The following COLEC12 variants were observed in gnomAD, a reference collection of about 807,000 sequenced individuals.
COLEC12 encodes the protein collectin subfamily member 12.
A neutral mutation model predicts 71.1 loss-of-function variants in COLEC12; 33 were observed. That is an observed-to-expected ratio of 0.46 (90% CI 0.35 to 0.62). COLEC12 has a LOEUF of 0.62. Ranked by LOEUF, COLEC12 falls within the 20% of genes least tolerant of loss-of-function variation. The pLI is 0.00. For synonymous variants in COLEC12, 350 were observed against 353.0 expected (o/e 0.99, Z 0.10); for missense variants, 765 against 916.1 (o/e 0.84, Z 2.13).
At chr18:336,418 T>C (rs894524186) in intron 5 of COLEC12, among the ~76,000 whole-genome samples, 1 of 152,172 alleles carries the variant, frequency 6.6e-6, no homozygotes, top group African/African-American at 2.4e-5. Flanking sequence ...GAAAAGCGAA[T>C]ACTGCTCATC....
intron 5 of COLEC12, among the ~76,000 whole-genome samples, chr18:336,327 C>T (rs1457661017): frequency 6.6e-6 from 1 of 152,086 alleles, no homozygotes; most frequent in Non-Finnish European, 1.5e-5. Flanking sequence ...TCCAAACTCT[C>T]TGGGTGGGTT....
At position 401,658 on chromosome 18, in the gene COLEC12, C is replaced by G. The variant is rs147795631; in HGVS notation, c.59-44136G>C. On this transcript the variant is annotated intron_variant, in intron 2 of 9. Transcript: ENST00000400256. ...TTCACAATGCATCCTCCTGGTATCC[C>G]AACGTTTTTGCTTACAAAGTTGGGT... is the stretch of plus-strand genomic sequence containing the variant. 4.5e-4 allele frequency among the ~76,000 whole-genome samples: 69 copies of G among 152,316 alleles called. No individual in the cohort carries two copies. In the East Asian group the frequency reaches 0.011, roughly 24 times the overall value.
At chr18:413,454 T>C (rs373863235) in intron 2 of COLEC12, among the ~76,000 whole-genome samples, 3 of 152,318 alleles carry the variant, frequency 2.0e-5, no homozygotes, top group Admixed American at 1.3e-4. Context: ...TCTAAAACAA[T>C]GGAACATACA....
chr18:318,005 C>G lies in COLEC12; in HGVS notation c.*2040G>C, dbSNP rs1467176768. 2.7e-5 allele frequency: 4 copies of G among 149,600 alleles called. No individual in the cohort carries two copies. The highest frequency in any genetic ancestry group is 9.8e-5 in the African/African-American group (4 of 40,890). 9.3% of individuals were successfully genotyped at this position (149,600 alleles called of 1,614,324 possible). ...TTTTTTTTTTCTTTTTGAGATGAGTCTCGCTCTGTCGCCCAGGCTGGAGTG... is the reference window on the plus strand; with the variant it reads ...TTTTTTTTTTCTTTTTGAGATGAGTGTCGCTCTGTCGCCCAGGCTGGAGTG... On this transcript the variant is annotated 3_prime_UTR_variant, in exon 10 of 10. Coordinates refer to ENST00000400256, the MANE Select transcript of COLEC12 (RefSeq NM_130386.3).
At chr18:473,393 C>T (rs188136863) in intron 2 of COLEC12, among the ~76,000 whole-genome samples, 13 of 151,644 alleles carry the variant, frequency 8.6e-5, no homozygotes, top group African/African-American at 2.7e-4. Flanking sequence ...AACGGAGTTT[C>T]GCTCTGTTGC....
chr18:448,602 G>A (rs528484206), intron 2 of COLEC12, among the ~76,000 whole-genome samples: 1 of 152,270 alleles, frequency 6.6e-6, no homozygotes, highest in African/African-American at 2.4e-5. Flanking sequence ...GAGTCCAAAG[G>A]GGAGGTGGTA....
intron 2 of COLEC12, among the ~76,000 whole-genome samples, chr18:369,441 G>A (rs1486299891): frequency 2.6e-5 from 2 of 75,606 alleles, no homozygotes; most frequent in Non-Finnish European, 5.6e-5. Context: ...ATTTTTTTTT[G>A]GAATAATGTT....
intron 8 of COLEC12, among the ~76,000 whole-genome samples, chr18:324,394 C>A (rs1036821678): frequency 2.6e-5 from 4 of 152,048 alleles, no homozygotes; most frequent in African/African-American, 7.2e-5. Flanking sequence ...CAGAAGTGAG[C>A]GGTAGCAGCA....
In COLEC12 at chr18:473,723, C is replaced by T. The variant is rs562824094; in HGVS notation, c.58+6984G>A. ...GTCTGTCTTAAGTTGCTTGCAGTTG[C>T]TACCAAAAGGGAAACTCTTTCCCAC... On this transcript the variant is annotated intron_variant, in intron 2 of 9. Coordinates refer to ENST00000400256, the MANE Select transcript of COLEC12 (RefSeq NM_130386.3). Among the ~76,000 whole-genome samples, 4 of 152,296 alleles carry T rather than the reference C, an allele frequency of 2.6e-5. No individual in the cohort carries two copies. In the South Asian group the frequency reaches 8.3e-4, roughly 32 times the overall value.
At chr18:347,963 C>T in intron 4 of COLEC12, 102 bp downstream of exon 4, 2 of 686,922 alleles carry the variant, frequency 2.9e-6, no homozygotes, top group South Asian at 4.1e-5. Context: ...AATTGAATGT[C>T]CTTCCGGGTG....
intron 1 of COLEC12, among the ~76,000 whole-genome samples, chr18:493,106 C>T (rs901176593): frequency 6.6e-6 from 1 of 152,174 alleles, no homozygotes. Context: ...ACTTGGGAGG[C>T]TGAGGCAGGA....
At chr18:325,908 C>T (rs1270115530) in intron 8 of COLEC12, among the ~76,000 whole-genome samples, 2 of 152,042 alleles carry the variant, frequency 1.3e-5, no homozygotes, top group Non-Finnish European at 2.9e-5. Flanking sequence ...AAGCAATCCT[C>T]CCGCCTTCGC....
At chr18:416,387 C>T (rs1350803098) in intron 2 of COLEC12, among the ~76,000 whole-genome samples, 4 of 152,154 alleles carry the variant, frequency 2.6e-5, no homozygotes, top group Admixed American at 2.6e-4. Flanking sequence ...GGATGAAAAG[C>T]AGGATGAATC....
At chr18:413,044 C>T (rs147004731) in intron 2 of COLEC12, among the ~76,000 whole-genome samples, 25 of 152,290 alleles carry the variant, frequency 1.6e-4, no homozygotes, top group African/African-American at 5.8e-4. Context: ...CAATTATACG[C>T]TGTCTCCAAG....
In COLEC12 at chr18:468,916, A is replaced by G. The variant is rs115981304; in HGVS notation, c.58+11791T>C. ...ATAGCAAAGGTTTCTGAACCACATTATTACACTCTTTATGAATTGTGCTTT... is the reference window on the plus strand; with the variant it reads ...ATAGCAAAGGTTTCTGAACCACATTGTTACACTCTTTATGAATTGTGCTTT... On this transcript the variant is annotated intron_variant, in intron 2 of 9. Coordinates refer to ENST00000400256, the MANE Select transcript of COLEC12 (RefSeq NM_130386.3). Among the ~76,000 whole-genome samples the G allele has an allele frequency of 5.4e-3, 828 of 152,350 alleles. 4 individuals carry two copies. The highest frequency in any genetic ancestry group is 0.019 in the African/African-American group (782 of 41,578).
intron 3 of COLEC12, among the ~76,000 whole-genome samples, chr18:349,052 T>C (rs1173166828): frequency 6.6e-6 from 1 of 152,208 alleles, no homozygotes; most frequent in Non-Finnish European, 1.5e-5. Context: ...CACTTTTGCA[T>C]CTTTCTAATT....
At chr18:465,357 C>T (rs779769987) in intron 2 of COLEC12, among the ~76,000 whole-genome samples, 22 of 152,212 alleles carry the variant, frequency 1.4e-4, no homozygotes, top group Non-Finnish European at 8.8e-5. Flanking sequence ...CCCACCCTGA[C>T]TCCCAAAGTG....
At position 346,978 on chromosome 18, in the gene COLEC12, T is replaced by A; in HGVS notation, c.644A>T (p.Gln215Leu). The change falls in exon 5 of 10, where the codon CAG becomes CTG. Residue 215 changes from glutamine (Q) to leucine (L), a missense_variant. By Grantham distance (113) the Gln-to-Leu change is moderately radical (BLOSUM62 -2). Coordinates refer to ENST00000400256, the MANE Select transcript of COLEC12 (RefSeq NM_130386.3). This position sits in a 1 kb window ranked among gnomAD's most constrained non-coding sequence, Gnocchi z 4.0. The stretch of plus-strand genomic sequence containing the variant: ...CAGATTCGTGATGAGGTTCCTCTGC[T>A]GCACCTGGGTCAGGTTCAGGTTGTT... ...NLNNLNLTQV[Q>L]QRNLITNLQR... is the part of the protein sequence containing the mutation. The A allele has an allele frequency of 6.2e-7, 1 of 1,614,232 alleles. No homozygotes were observed. Among genetic ancestry groups the A allele is most frequent in the South Asian group, 1.1e-5 (1 of 91,076 alleles).
intron 2 of COLEC12, among the ~76,000 whole-genome samples, chr18:465,951 G>A (rs982919593): frequency 2.0e-5 from 3 of 152,168 alleles, no homozygotes; most frequent in South Asian, 2.1e-4. Flanking sequence ...GCACAAACCT[G>A]TAGTCCCAGC....
Sources: allele counts gnomAD v4.1 joint callset (sites outside exome capture counted in the v4.1 genomes callset), GRCh38; gene constraint gnomAD v4.1.1; non-coding constraint Gnocchi (gnomAD v3.1); transcripts MANE v1.5; gene names NCBI Gene and HGNC (gene_info 2026-07-23, HGNC 2026-07-21).